DYNC1I1: variants seen among roughly 807,000 people sequenced by gnomAD.
DYNC1I1 encodes the protein dynein cytoplasmic 1 intermediate chain 1, also known as cytoplasmic dynein 1 intermediate chain 1.
DYNC1I1 carries 43 observed loss-of-function variants against 86.6 expected under a neutral mutation model. The ratio of observed to expected loss-of-function variants is 0.50; its 90% CI spans 0.39 to 0.64. The LOEUF (loss-of-function observed/expected upper bound fraction) is 0.64, where lower values mean the gene tolerates loss of function less well. DYNC1I1 is among the 30% of genes least tolerant of loss of function. DYNC1I1 has a pLI of 0.00. For synonymous variants in DYNC1I1, 262 were observed against 283.7 expected (o/e 0.92, Z 0.77); for missense variants, 604 against 788.8 (o/e 0.77, Z 2.81).
At chr7:95,804,398 A>T (rs1404973713) in intron 1 of DYNC1I1, 1 of 1,266,378 alleles carries the variant, frequency 7.9e-7, no homozygotes, top group Non-Finnish European at 1.0e-6. Flanking sequence ...TCTCTTATTT[A>T]TTTTTGTTTA....
At chr7:96,039,547 C>T (rs1788973013) in intron 14 of DYNC1I1, 126 bp downstream of exon 14, 1 of 1,152,424 alleles carries the variant, frequency 8.7e-7, no homozygotes. Flanking sequence ...CATATACCTT[C>T]TGGTGAGCTC....
At chr7:96,106,352 G>A (rs982475939) in intron 16 of DYNC1I1, among the ~76,000 whole-genome samples, 30 of 152,040 alleles carry the variant, frequency 2.0e-4, no homozygotes, top group African/African-American at 6.8e-4. Context: ...TGACCAACAT[G>A]GTGAAACCCT....
At chr7:95,937,214 G>T (rs1004539599) in intron 6 of DYNC1I1, among the ~76,000 whole-genome samples, 1 of 151,974 alleles carries the variant, frequency 6.6e-6, no homozygotes, top group Non-Finnish European at 1.5e-5. Context: ...TTTCAGTTAC[G>T]TAGGGTGGAT....
At chr7:96,008,666 T>A (rs1794199927) in intron 10 of DYNC1I1, among the ~76,000 whole-genome samples, 3 of 152,236 alleles carry the variant, frequency 2.0e-5, no homozygotes, top group Admixed American at 2.0e-4. Flanking sequence ...AGTGATCATG[T>A]CACTAGGATG....
At chr7:95,986,064 ATC>A (rs1793584916) in intron 8 of DYNC1I1, among the ~76,000 whole-genome samples, 4 of 57,874 alleles carry the variant, frequency 6.9e-5, no homozygotes, top group Non-Finnish European at 1.3e-4. Context: ...GTGTGTGTGT[ATC>A]TCCTGAGTTT....
Position 95,795,867 on chromosome 7 carries a change from G to A in DYNC1I1, c.-9-8854G>A, listed in dbSNP as rs560959386. ...AAATTTATATAAGAAACCTGCACATGTACCCCTGAACTTAAAAATAAAAGT... is the reference window on the plus strand; with the variant it reads ...AAATTTATATAAGAAACCTGCACATATACCCCTGAACTTAAAAATAAAAGT... On this transcript the variant is annotated intron_variant, in intron 1 of 16. Transcript: ENST00000447467. 2.0e-5 allele frequency among the ~76,000 whole-genome samples: 3 copies of A among 151,640 alleles called. No homozygotes were observed. The South Asian group carries it at 6.3e-4, about 32-fold the overall frequency.
chr7:96,013,754 G>A (rs1244211718), intron 10 of DYNC1I1, among the ~76,000 whole-genome samples: 1 of 151,860 alleles, frequency 6.6e-6, no homozygotes, highest in Non-Finnish European at 1.5e-5. Context: ...TGTTACTGCA[G>A]CAAGAGCAAA....
chr7:96,061,704 T>TCACACACA lies in DYNC1I1; in HGVS notation c.1510-14352_1510-14351insACACACAC, dbSNP rs1347558304. Reference sequence around the variant, plus strand: ...CTCCCTCCCTCCCTCCCTCTCTCTCTCTCTCTCTCACACACACACACACAC... The same window carrying TCACACACA: ...CTCCCTCCCTCCCTCCCTCTCTCTCTCACACACACTCTCTCTCACACACACACACACAC... On this transcript the variant is annotated intron_variant, in intron 14 of 16. Transcript: ENST00000447467. Among the ~76,000 whole-genome samples, 51 of 130,886 alleles carry TCACACACA rather than the reference T, an allele frequency of 3.9e-4. 1 individual carries two copies. The highest frequency in any genetic ancestry group is 1.4e-3 in the African/African-American group (43 of 30,814). The allele number at this position is 130,886 out of a possible 152,430, so 85.9% of individuals were successfully genotyped here. A position where few individuals can be genotyped will look rare whatever the true frequency, so the allele number is the denominator to read the frequency against.
intron 16 of DYNC1I1, among the ~76,000 whole-genome samples, chr7:96,103,988 G>A (rs1791176725): frequency 6.6e-6 from 1 of 152,132 alleles, no homozygotes; most frequent in Admixed American, 6.5e-5. Context: ...CTATTTTGGT[G>A]AGCATGAAAT....
intron 6 of DYNC1I1, among the ~76,000 whole-genome samples, chr7:95,942,214 C>T (rs1289966680): frequency 2.6e-5 from 4 of 152,150 alleles, no homozygotes; most frequent in African/African-American, 4.8e-5. Context: ...CACAGAAATA[C>T]AAACTACCAT....
intron 12 of DYNC1I1, 40 bp from the exon 13 acceptor site, chr7:96,035,579 A>T (rs375141840): frequency 6.5e-7 from 1 of 1,537,214 alleles, no homozygotes. Context: ...CATGGCAAGG[A>T]GTTGACAGAT....
intron 10 of DYNC1I1, among the ~76,000 whole-genome samples, chr7:96,007,519 G>A (rs1794169894): frequency 6.6e-6 from 1 of 152,190 alleles, no homozygotes; most frequent in African/African-American, 2.4e-5. Flanking sequence ...TGAGTTGTAT[G>A]TGTGACTAGT....
At chr7:95,824,727 A>G (rs1795167012) in intron 4 of DYNC1I1, among the ~76,000 whole-genome samples, 1 of 152,136 alleles carries the variant, frequency 6.6e-6, no homozygotes, top group Admixed American at 6.5e-5. Flanking sequence ...ACAAAAGGAG[A>G]TTTGCCTGAT....
chr7:95,982,389 C>T (rs1338450405), intron 7 of DYNC1I1, among the ~76,000 whole-genome samples: 2 of 152,088 alleles, frequency 1.3e-5, no homozygotes, highest in African/African-American at 4.8e-5. Flanking sequence ...CTCCACCTAC[C>T]TGAACTTGGC....
At chr7:96,004,458 A>G (rs1014686781) in intron 10 of DYNC1I1, among the ~76,000 whole-genome samples, 1 of 152,194 alleles carries the variant, frequency 6.6e-6, no homozygotes, top group Non-Finnish European at 1.5e-5. Flanking sequence ...CCTATGAACA[A>G]TAAGTTATGT....
intron 10 of DYNC1I1, among the ~76,000 whole-genome samples, chr7:96,001,859 G>A (rs1487379819): frequency 6.6e-6 from 1 of 152,096 alleles, no homozygotes; most frequent in Non-Finnish European, 1.5e-5. Context: ...TGGTCGTGGT[G>A]GGGGAAGTAC....
At chr7:95,821,821 A>C (rs1298812899) in intron 4 of DYNC1I1, among the ~76,000 whole-genome samples, 1 of 152,168 alleles carries the variant, frequency 6.6e-6, no homozygotes, top group East Asian at 1.9e-4. Flanking sequence ...AAAGAACTTT[A>C]CTAATTTAAA....
intron 9 of DYNC1I1, among the ~76,000 whole-genome samples, chr7:95,991,239 C>T (rs970453235): frequency 5.3e-5 from 8 of 152,126 alleles, no homozygotes; most frequent in Non-Finnish European, 5.9e-5. Context: ...CGTGATGATG[C>T]CCTGAGGCAT....
chr7:96,098,288 C>T lies in DYNC1I1; in HGVS notation c.*695C>T. Reference sequence around the variant, plus strand: ...CAGTGAACGAAATGAATTTTAATGCCTATTATTTCTGGGTACTTTAACAAT... The same window carrying T: ...CAGTGAACGAAATGAATTTTAATGCTTATTATTTCTGGGTACTTTAACAAT... On this transcript the variant is annotated 3_prime_UTR_variant, in exon 17 of 17. Coordinates refer to ENST00000447467, the MANE Select transcript of DYNC1I1 (RefSeq NM_001135556.2). 1.0e-6 allele frequency: 1 copy of T among 985,790 alleles called. No individual in the cohort carries two copies. The highest frequency in any genetic ancestry group is 1.2e-6 in the Non-Finnish European group (1 of 829,944). The allele number at this position is 985,790 out of a possible 1,614,324, so 61.1% of individuals were successfully genotyped here.
Sources: gnomAD v4.1 joint callset for allele counts (sites outside exome capture counted in the v4.1 genomes callset) on GRCh38, gnomAD v4.1.1 for gene constraint, MANE v1.5 for transcripts, NCBI Gene and HGNC (gene_info 2026-07-23, HGNC 2026-07-21) for gene names.